TTC28: variants seen among roughly 807,000 people sequenced by gnomAD.
TTC28 encodes the protein tetratricopeptide repeat protein 28.
TTC28 carries 61 observed loss-of-function variants against 198.0 expected under a neutral mutation model. The observed-to-expected ratio is 0.31, with a 90% confidence interval of 0.25 to 0.38. The LOEUF (loss-of-function observed/expected upper bound fraction) is 0.38. Among genes scored for constraint, TTC28 ranks in the 10% least tolerant of loss-of-function variants. The pLI, the probability that TTC28 is intolerant of heterozygous loss-of-function variation, is 1.00. For missense variants in TTC28, 2,678 were observed against 3,164.0 expected (o/e 0.85, Z 3.69); for synonymous variants, 1,171 against 1,297.8 (o/e 0.90, Z 2.10).
chr22:28,544,983 T>C (rs1448313320), intron 2 of TTC28, among the ~76,000 whole-genome samples: 1 of 152,216 alleles, frequency 6.6e-6, no homozygotes, highest in East Asian at 1.9e-4. Context: ...GAGGGTGCTC[T>C]GCCTATGGAG....
intron 2 of TTC28, among the ~76,000 whole-genome samples, chr22:28,465,421 C>A (rs1319466212): frequency 1.3e-5 from 2 of 151,992 alleles, no homozygotes; most frequent in African/African-American, 4.8e-5. Flanking sequence ...GTTAGGAGTT[C>A]GAAACCAGCC....
intron 2 of TTC28, among the ~76,000 whole-genome samples, chr22:28,456,689 C>T (rs577160454): frequency 4.6e-5 from 7 of 152,316 alleles, no homozygotes; most frequent in African/African-American, 7.2e-5. Flanking sequence ...GATTCTCCTG[C>T]CTCAGCCTCC....
intron 2 of TTC28, among the ~76,000 whole-genome samples, chr22:28,566,102 C>T (rs2049964476): frequency 6.6e-6 from 1 of 152,142 alleles, no homozygotes; most frequent in Admixed American, 6.5e-5. Flanking sequence ...GGTCAATACC[C>T]CTGCTTTTGT....
intron 1 of TTC28, among the ~76,000 whole-genome samples, chr22:28,633,311 GA>G (rs1005248738): frequency 6.6e-6 from 1 of 150,558 alleles, no homozygotes; most frequent in African/African-American, 2.4e-5. Context: ...AAAAGAAAAA[GA>G]AAAAAAATTT....
chr22:28,351,810 G>A (rs2046000428), intron 2 of TTC28, among the ~76,000 whole-genome samples: 1 of 152,194 alleles, frequency 6.6e-6, no homozygotes, highest in Non-Finnish European at 1.5e-5. Flanking sequence ...ATAAGGAGGA[G>A]AATTTCACGA....
chr22:28,188,293 T>C (rs868274187), intron 5 of TTC28, among the ~76,000 whole-genome samples: 33 of 152,084 alleles, frequency 2.2e-4, no homozygotes, highest in South Asian at 1.5e-3. Flanking sequence ...TTTTGGAAGA[T>C]GGAAAACAGA....
At chr22:28,595,848 C>T (rs1324974840) in intron 2 of TTC28, among the ~76,000 whole-genome samples, 1 of 152,092 alleles carries the variant, frequency 6.6e-6, no homozygotes, top group Non-Finnish European at 1.5e-5. Context: ...CGCTTGAACC[C>T]GGGAGGCGGA....
At chr22:28,642,215 A>T (rs1475102513) in intron 1 of TTC28, among the ~76,000 whole-genome samples, 1 of 145,964 alleles carries the variant, frequency 6.9e-6, no homozygotes, top group African/African-American at 2.5e-5. Flanking sequence ...TTGATTAATA[A>T]AAAAAAAAAA....
At chr22:28,282,931 T>G (rs1313175564) in intron 5 of TTC28, among the ~76,000 whole-genome samples, 1 of 152,174 alleles carries the variant, frequency 6.6e-6, no homozygotes, top group Non-Finnish European at 1.5e-5. Flanking sequence ...TCCCTGGGTG[T>G]ACAATTTCTT....
intron 13 of TTC28, among the ~76,000 whole-genome samples, chr22:28,015,614 T>A (rs1938339126): frequency 6.6e-6 from 1 of 151,336 alleles, no homozygotes; most frequent in South Asian, 2.1e-4. Flanking sequence ...TTTGTAGAGA[T>A]GGGGTCTCAC....
At chr22:28,234,142 G>A (rs915140429) in intron 5 of TTC28, among the ~76,000 whole-genome samples, 4 of 151,702 alleles carry the variant, frequency 2.6e-5, no homozygotes, top group Admixed American at 1.3e-4. Context: ...TCCTGACCTC[G>A]TGATCCGCCG....
chr22:28,215,187 C>G (rs1366785207), intron 5 of TTC28, among the ~76,000 whole-genome samples: 2 of 152,074 alleles, frequency 1.3e-5, no homozygotes, highest in African/African-American at 4.8e-5. Context: ...ATGTAAATGA[C>G]GAGTTAATGG....
chr22:28,079,059 G>A (rs947684186), intron 12 of TTC28, among the ~76,000 whole-genome samples: 1 of 152,184 alleles, frequency 6.6e-6, no homozygotes, highest in South Asian at 2.1e-4. Flanking sequence ...CAGGCATACA[G>A]GTCAGCATAA....
intron 2 of TTC28, among the ~76,000 whole-genome samples, chr22:28,595,023 T>C (rs2050514509): frequency 6.6e-6 from 1 of 152,236 alleles, no homozygotes; most frequent in Non-Finnish European, 1.5e-5. Context: ...AAAGTCCATG[T>C]TGTAGGCCTT....
chr22:28,521,716 G>A (rs547410947), intron 2 of TTC28, among the ~76,000 whole-genome samples: 2 of 152,198 alleles, frequency 1.3e-5, no homozygotes, highest in African/African-American at 2.4e-5. Flanking sequence ...AGTAGAGAGA[G>A]GTAAAGAACA....
intron 5 of TTC28, among the ~76,000 whole-genome samples, chr22:28,185,295 G>A (rs907052423): frequency 1.3e-5 from 2 of 151,830 alleles, no homozygotes; most frequent in African/African-American, 4.8e-5. Flanking sequence ...TCTTCTACCC[G>A]CTGCTCTCCA....
At chr22:28,174,124 G>T (rs1436119692) in intron 5 of TTC28, among the ~76,000 whole-genome samples, 3 of 152,084 alleles carry the variant, frequency 2.0e-5, no homozygotes, top group African/African-American at 7.2e-5. Context: ...GAAGAATAAG[G>T]ATAGACTCTG....
chr22:28,630,949 T>C (rs1205660566), intron 1 of TTC28, among the ~76,000 whole-genome samples: 2 of 152,138 alleles, frequency 1.3e-5, no homozygotes, highest in South Asian at 2.1e-4. Context: ...GTTAAGACAA[T>C]TGCACTTAAA....
chr22:28,369,461 C>A (rs1569287169), intron 2 of TTC28, among the ~76,000 whole-genome samples: 1 of 152,148 alleles, frequency 6.6e-6, no homozygotes, highest in Non-Finnish European at 1.5e-5. Context: ...GATCAGTCAT[C>A]ATAACAAGTA....
Sources: allele counts gnomAD v4.1 joint callset (sites outside exome capture counted in the v4.1 genomes callset), GRCh38; gene constraint gnomAD v4.1.1; transcripts MANE v1.5; gene names NCBI Gene and HGNC (gene_info 2026-07-23, HGNC 2026-07-21).